The following MFSD2B variants were observed in gnomAD, a reference collection of about 807,000 sequenced individuals.
MFSD2B encodes the protein MFSD2 lysolipid transporter B, sphingolipid.
MFSD2B carries 56 observed loss-of-function variants against 58.4 expected under a neutral mutation model. The ratio of observed to expected loss-of-function variants is 0.96; its 90% CI spans 0.77 to 1.20. The LOEUF (loss-of-function observed/expected upper bound fraction) is 1.20, where lower values mean the gene tolerates loss of function less well. MFSD2B is among the 50% of genes most tolerant of loss of function. The probability of loss-of-function intolerance (pLI) is 0.00; values close to 1 mark genes in which losing one functional copy is unlikely to be tolerated. For missense variants in MFSD2B, 645 were observed against 667.6 expected, an observed-to-expected ratio of 0.97 and a Z score of 0.37; for synonymous variants, 287 against 294.4, an observed-to-expected ratio of 0.97 and a Z score of 0.26.
chr2:24,022,025 A>G lies in MFSD2B; in HGVS notation c.894+55A>G. The G allele has an allele frequency of 6.2e-7, 1 of 1,610,056 alleles. No individual in the cohort carries two copies. The highest frequency in any genetic ancestry group is 8.5e-7 in the Non-Finnish European group (1 of 1,177,068). ...TTGGTGCTGGCCATGCTGACCTTGCATAGGTTCAGGGTGCAGTCTTGGCTT... is the reference window on the plus strand; with the variant it reads ...TTGGTGCTGGCCATGCTGACCTTGCGTAGGTTCAGGGTGCAGTCTTGGCTT... On this transcript the variant is annotated intron_variant, in intron 8 of 13. Coordinates refer to ENST00000338315, the MANE Select transcript of MFSD2B (RefSeq NM_001346880.2). The surrounding 1 kb of genome is among the most constrained non-coding windows in gnomAD (Gnocchi z 4.5).
rs1452321606 is a variant in MFSD2B, at chr2:24,015,545, T to C, written c.223-611T>C. 2.0e-5 allele frequency among the ~76,000 whole-genome samples: 3 copies of C among 152,254 alleles called. No homozygotes were observed. In the East Asian group the frequency reaches 5.8e-4, roughly 29 times the overall value. On this transcript the variant is annotated intron_variant, in intron 2 of 13. Transcript: ENST00000338315. ...TCCCATTTATATAAACTGATCAATCTCAAGCACACATGAAGAAGCCTATGA... is the reference window on the plus strand; with the variant it reads ...TCCCATTTATATAAACTGATCAATCCCAAGCACACATGAAGAAGCCTATGA...
In MFSD2B at chr2:24,023,696, G is replaced by A; in HGVS notation, c.1283G>A (p.Cys428Tyr). Residue 428 changes from cysteine (C) to tyrosine (Y), a missense_variant, in exon 12 of 14, where the codon TGT becomes TAT. Cys to Tyr is a radical substitution (Grantham distance 194). Transcript: ENST00000338315. This position sits in a 1 kb window ranked among gnomAD's most constrained non-coding sequence, Gnocchi z 5.0. Reference sequence around the variant, plus strand: ...TTCTTCACCAAGCTGTCTGGCGCATGTGCCCTGGGCATCTCCACCCTCAGT... The same window carrying A: ...TTCTTCACCAAGCTGTCTGGCGCATATGCCCTGGGCATCTCCACCCTCAGT... ...YVFFTKLSGA[C>Y]ALGISTLSLE... The A allele has an allele frequency of 1.2e-6, 2 of 1,613,966 alleles. No individual in the cohort carries two copies. Among genetic ancestry groups the A allele is most frequent in the Non-Finnish European group, 1.7e-6 (2 of 1,179,850 alleles).
chr2:24,010,106 C>T lies in MFSD2B; in HGVS notation c.10C>T (p.Pro4Ser). ...CGGCGCTGCGGTGGCAATGGCGGCG[C>T]CCCCTGCACCAGCCGCCAAGGGGTC... Reference protein sequence around the residue: MAAPPAPAAKGSPQ... With the variant: MAASPAPAAKGSPQ... The change falls in exon 1 of 14, where the codon CCC becomes TCC. Residue 4 changes from proline to serine, a missense_variant. Transcript: ENST00000338315. 1 of 1,440,708 alleles carries T rather than the reference C, an allele frequency of 6.9e-7. No homozygotes were observed. Among genetic ancestry groups the T allele is most frequent in the Non-Finnish European group, 9.1e-7 (1 of 1,103,630 alleles). 89.2% of individuals were successfully genotyped at this position (1,440,708 alleles called of 1,614,324 possible).
chr2:24,024,350 A>T lies in MFSD2B; in HGVS notation c.1490+79A>T. On this transcript the variant is annotated intron_variant, in intron 13 of 13. Coordinates refer to ENST00000338315, the MANE Select transcript of MFSD2B (RefSeq NM_001346880.2). The surrounding 1 kb of genome is among the most constrained non-coding windows in gnomAD (Gnocchi z 4.3). ...GAATGACTAACACCAGCCTGCAGAC[A>T]TCCCTGCTGTGTCACACAGTCCTGC... is the stretch of plus-strand genomic sequence containing the variant. The T allele has an allele frequency of 1.4e-6, 2 of 1,403,882 alleles. No individual in the cohort carries two copies. Among genetic ancestry groups the T allele is most frequent in the Non-Finnish European group, 9.7e-7 (1 of 1,033,504 alleles). The allele number at this position is 1,403,882 out of a possible 1,614,324, so 87.0% of individuals were successfully genotyped here.
chr2:24,012,952 A>G lies in MFSD2B; in HGVS notation c.97-333A>G, dbSNP rs1709007719. 1 of 223,604 alleles carries G rather than the reference A, an allele frequency of 4.5e-6. No individual in the cohort carries two copies. The highest frequency in any genetic ancestry group is 5.3e-5 in the Admixed American group (1 of 18,758). 13.9% of individuals were successfully genotyped at this position (223,604 alleles called of 1,614,324 possible). ...TTTATTCAAGGTCACATAGAGGGGT[A>G]GGTGACAAAGGCAGGCTCAAGCCCA... On this transcript the variant is annotated intron_variant, in intron 1 of 13. Coordinates refer to ENST00000338315, the MANE Select transcript of MFSD2B (RefSeq NM_001346880.2). This position sits in a 1 kb window ranked among gnomAD's most constrained non-coding sequence, Gnocchi z 4.5.
chr2:24,024,479 G>C lies in MFSD2B; in HGVS notation c.1490+208G>C, dbSNP rs1662911619. Reference sequence around the variant, plus strand: ...GTCTTCTTCCTTTGATCACCTGGTAGACTGTGGTATGTGAGGGCTCACTCC... The same window carrying C: ...GTCTTCTTCCTTTGATCACCTGGTACACTGTGGTATGTGAGGGCTCACTCC... On this transcript the variant is annotated intron_variant, in intron 13 of 13. Transcript: ENST00000338315. The surrounding 1 kb of genome is among the most constrained non-coding windows in gnomAD (Gnocchi z 4.3). Among the ~76,000 whole-genome samples, 1 of 152,094 alleles carries C rather than the reference G, an allele frequency of 6.6e-6. No homozygotes were observed.
rs1197928468 is a variant in MFSD2B at position 24,021,751 on chromosome 2, G to A, written c.772+13G>A. On this transcript the variant is annotated intron_variant, in intron 7 of 13. Coordinates refer to ENST00000338315, the MANE Select transcript of MFSD2B (RefSeq NM_001346880.2). This position sits in a 1 kb window ranked among gnomAD's most constrained non-coding sequence, Gnocchi z 5.7. ...AAGGAGCGGCCAGGTATGGGGTTTG[G>A]TGAGGAGGGAAGCAGAAGCTGGGGG... The A allele has an allele frequency of 1.2e-6, 2 of 1,613,140 alleles. No homozygotes were observed. Among genetic ancestry groups the A allele is most frequent in the Non-Finnish European group, 8.5e-7 (1 of 1,179,522 alleles).
rs571012931 is a variant in MFSD2B, at chr2:24,022,673, T to G, written c.979-149T>G. 1.2e-6 allele frequency: 1 copy of G among 826,766 alleles called. No homozygotes were observed. Among genetic ancestry groups the G allele is most frequent in the South Asian group, 1.8e-5 (1 of 56,848 alleles). The allele number at this position is 826,766 out of a possible 1,614,324, so 51.2% of individuals were successfully genotyped here. A position where few individuals can be genotyped will look rare whatever the true frequency, so the allele number is the denominator to read the frequency against. On this transcript the variant is annotated intron_variant, in intron 9 of 13. Coordinates refer to ENST00000338315, the MANE Select transcript of MFSD2B (RefSeq NM_001346880.2). The surrounding 1 kb of genome is among the most constrained non-coding windows in gnomAD (Gnocchi z 4.5). ...ACCTGCATTCCAGCAGAGGGTAGAA[T>G]TGGGGCCAGGATTACAACATTCATA...
In MFSD2B at chr2:24,012,185, C is replaced by A. The variant is rs1291994204; in HGVS notation, c.97-1100C>A. Among the ~76,000 whole-genome samples, 41 of 114,350 alleles carry A rather than the reference C, an allele frequency of 3.6e-4. No individual in the cohort carries two copies. The highest frequency in any genetic ancestry group is 4.7e-4 in the Non-Finnish European group (25 of 52,862). The allele number at this position is 114,350 out of a possible 152,430, so 75.0% of individuals were successfully genotyped here. A position where few individuals can be genotyped will look rare whatever the true frequency, so the allele number is the denominator to read the frequency against. ...ACACACACACACACACACACAAAAA[C>A]AGACAAAAAAACCCTGCAATAGCAA... On this transcript the variant is annotated intron_variant, in intron 1 of 13. Transcript: ENST00000338315. The surrounding 1 kb of genome is among the most constrained non-coding windows in gnomAD (Gnocchi z 4.5).
intron 1 of MFSD2B, 146 bp from the exon 2 acceptor site, chr2:24,013,139 T>C: frequency 1.5e-6 from 1 of 670,704 alleles, no homozygotes. Flanking sequence ...CCTCTTAGGA[T>C]GACATGGGGG....
chr2:24,023,976 AC>A lies in MFSD2B; in HGVS notation c.1314-117del. ...ACCTTGACACTCCTCTCCTGATCTG[AC>A]CAGGAAATGAAGTCCACGTTTCAGG... On this transcript the variant is annotated intron_variant, in intron 12 of 13. Transcript: ENST00000338315. The surrounding 1 kb of genome is among the most constrained non-coding windows in gnomAD (Gnocchi z 5.0). The A allele has an allele frequency of 9.0e-7, 1 of 1,108,518 alleles. No homozygotes were observed. Among genetic ancestry groups the A allele is most frequent in the Non-Finnish European group, 1.3e-6 (1 of 769,350 alleles). The allele number at this position is 1,108,518 out of a possible 1,614,324, so 68.7% of individuals were successfully genotyped here.
At chr2:24,015,228 G>T (rs1053076383) in intron 2 of MFSD2B, among the ~76,000 whole-genome samples, 1 of 151,426 alleles carries the variant, frequency 6.6e-6, no homozygotes, top group Non-Finnish European at 1.5e-5. Context: ...CTAAGCTCAG[G>T]TGTTCAAGAC....
chr2:24,021,637 C>G lies in MFSD2B; in HGVS notation c.682-11C>G. The G allele has an allele frequency of 6.2e-7, 1 of 1,609,308 alleles. No homozygotes were observed. The highest frequency in any genetic ancestry group is 1.3e-5 in the African/African-American group (1 of 74,980). Reference sequence around the variant, plus strand: ...AGACATCACCCATCCCAGTCCTGTCCTGTCCCACAGGCCCATCTCTACTGC... The same window carrying G: ...AGACATCACCCATCCCAGTCCTGTCGTGTCCCACAGGCCCATCTCTACTGC... On this transcript the variant is annotated splice_polypyrimidine_tract_variant and intron_variant, in intron 6 of 13. Transcript: ENST00000338315. The surrounding 1 kb of genome is among the most constrained non-coding windows in gnomAD (Gnocchi z 5.7).
Position 24,020,864 on chromosome 2 carries a change from T to C in MFSD2B, c.682-784T>C, listed in dbSNP as rs1227038472. ...TGACAGGCATGAGCCACCGTGCCTGTCCCTGCTTCCTATATTAATTTTTTA... is the reference window on the plus strand; with the variant it reads ...TGACAGGCATGAGCCACCGTGCCTGCCCCTGCTTCCTATATTAATTTTTTA... On this transcript the variant is annotated intron_variant, in intron 6 of 13. Coordinates refer to ENST00000338315, the MANE Select transcript of MFSD2B (RefSeq NM_001346880.2). The surrounding 1 kb of genome is among the most constrained non-coding windows in gnomAD (Gnocchi z 4.1). 6.7e-6 allele frequency among the ~76,000 whole-genome samples: 1 copy of C among 149,486 alleles called. No homozygotes were observed. Among genetic ancestry groups the C allele is most frequent in the African/African-American group, 2.5e-5 (1 of 40,470 alleles).
At position 24,022,927 on chromosome 2, in the gene MFSD2B, T is replaced by C; in HGVS notation, c.1059+25T>C. 6.3e-7 allele frequency: 1 copy of C among 1,596,122 alleles called. No homozygotes were observed. The highest frequency in any genetic ancestry group is 8.5e-7 in the Non-Finnish European group (1 of 1,170,922). ...TGTGAGTGAGGCGGGAATCAAGGAT[T>C]GGGGGTGGCCGGAGGGGAGAGGTGA... On this transcript the variant is annotated intron_variant, in intron 10 of 13. Coordinates refer to ENST00000338315, the MANE Select transcript of MFSD2B (RefSeq NM_001346880.2). This position sits in a 1 kb window ranked among gnomAD's most constrained non-coding sequence, Gnocchi z 4.5.
chr2:24,013,313 G>A lies in MFSD2B; in HGVS notation c.125G>A (p.Cys42Tyr). Residue 42 changes from cysteine (C) to tyrosine (Y), a missense_variant, in exon 2 of 14, where the codon TGT becomes TAT. By Grantham distance (194) the Cys-to-Tyr change is radical (BLOSUM62 -2). Transcript: ENST00000338315. Reference sequence around the variant, plus strand: ...AGCAGAGCCGGTCGCCTCTCATTCTGTACAAAGGTGTGCTATGGCATTGGT... The same window carrying A: ...AGCAGAGCCGGTCGCCTCTCATTCTATACAAAGGTGTGCTATGGCATTGGT... ...EDSRAGRLSF[C>Y]TKVCYGIGGV... 1 of 1,612,090 alleles carries A rather than the reference G, an allele frequency of 6.2e-7. No individual in the cohort carries two copies. The highest frequency in any genetic ancestry group is 1.1e-5 in the South Asian group (1 of 90,660).
Position 24,017,506 on chromosome 2 carries a change from G to T in MFSD2B, c.599G>T (p.Gly200Val). Residue 200 changes from glycine to valine, a missense_variant, in exon 6 of 14, where the codon GGG becomes GTG. Gly to Val is a moderately radical substitution (Grantham distance 109, BLOSUM62 -3). Coordinates refer to ENST00000338315, the MANE Select transcript of MFSD2B (RefSeq NM_001346880.2). The surrounding 1 kb of genome is among the most constrained non-coding windows in gnomAD (Gnocchi z 4.8). ...ACACTGATGGGGGCCACTGTCCACGGGCTCATCGTGTCCGGCGCCCACAGA... is the reference window on the plus strand; with the variant it reads ...ACACTGATGGGGGCCACTGTCCACGTGCTCATCGTGTCCGGCGCCCACAGA... ...AGTLMGATVH[G>V]LIVSGAHRPH... The T allele has an allele frequency of 6.3e-7, 1 of 1,593,430 alleles. No individual in the cohort carries two copies.
intron 3 of MFSD2B, 138 bp downstream of exon 3, chr2:24,016,418 G>A: frequency 3.2e-6 from 3 of 949,520 alleles, no homozygotes; most frequent in Middle Eastern, 2.2e-4. Context: ...GGTGCACTGG[G>A]GACTGACTGT....
Position 24,017,524 on chromosome 2 carries a change from C to A in MFSD2B, c.617C>A (p.Ala206Asp). 1 of 1,578,810 alleles carries A rather than the reference C, an allele frequency of 6.3e-7. No homozygotes were observed. The highest frequency in any genetic ancestry group is 8.6e-7 in the Non-Finnish European group (1 of 1,162,394). The change falls in exon 6 of 14, where the codon GCC becomes GAC. Residue 206 changes from alanine (A) to aspartate (D), a missense_variant. Coordinates refer to ENST00000338315, the MANE Select transcript of MFSD2B (RefSeq NM_001346880.2). The surrounding 1 kb of genome is among the most constrained non-coding windows in gnomAD (Gnocchi z 4.8). ...GTCCACGGGCTCATCGTGTCCGGCG[C>A]CCACAGACCCCACAGGTGCGAGGCC... Reference protein sequence around the residue: ...ATVHGLIVSGAHRPHRCEATA... With the variant: ...ATVHGLIVSGDHRPHRCEATA...
Sources: allele counts gnomAD v4.1 joint callset (sites outside exome capture counted in the v4.1 genomes callset), GRCh38; gene constraint gnomAD v4.1.1; non-coding constraint Gnocchi (gnomAD v3.1); transcripts MANE v1.5; gene names NCBI Gene and HGNC (gene_info 2026-07-23, HGNC 2026-07-21).